The following SDK1 variants were observed in gnomAD, a reference collection of about 807,000 sequenced individuals.
SDK1 encodes the protein protein sidekick-1.
SDK1 carries 157 observed loss-of-function variants against 245.5 expected under a neutral mutation model. The ratio of observed to expected loss-of-function variants is 0.64; its 90% CI spans 0.56 to 0.73. The LOEUF is 0.73. Among genes scored for constraint, SDK1 ranks in the 30% least tolerant of loss-of-function variants. SDK1 has a pLI of 0.00. For synonymous variants in SDK1, 1,647 were observed against 1,278.5 expected (o/e 1.29, Z -6.15); for missense variants, 3,583 against 3,002.3 (o/e 1.19, Z -4.52).
intron 25 of SDK1, among the ~76,000 whole-genome samples, chr7:4,118,550 A>T (rs913031754): frequency 1.3e-5 from 2 of 152,236 alleles, no homozygotes; most frequent in African/African-American, 4.8e-5. Flanking sequence ...GGGAGTCACC[A>T]TACGACAAAG....
chr7:4,118,548 C>G (rs554864181), intron 25 of SDK1, among the ~76,000 whole-genome samples: 1 of 152,224 alleles, frequency 6.6e-6, no homozygotes, highest in South Asian at 2.1e-4. Flanking sequence ...CAGGGAGTCA[C>G]CATACGACAA....
At chr7:4,102,156 T>C (rs2128187558) in intron 22 of SDK1, among the ~76,000 whole-genome samples, 1 of 152,212 alleles carries the variant, frequency 6.6e-6, no homozygotes, top group Middle Eastern at 3.4e-3. Context: ...CCTGCCGGCT[T>C]ATGAGGTGTG....
At chr7:4,079,308 T>C (rs1424376779) in intron 21 of SDK1, among the ~76,000 whole-genome samples, 155 bp from the exon 22 acceptor site, 1 of 152,166 alleles carries the variant, frequency 6.6e-6, no homozygotes, top group Non-Finnish European at 1.5e-5. Flanking sequence ...CTGGGGAAGC[T>C]GTGCTGCTTC....
intron 5 of SDK1, among the ~76,000 whole-genome samples, chr7:3,913,333 A>T (rs987563613): frequency 1.0e-4 from 14 of 134,974 alleles, no homozygotes; most frequent in Non-Finnish European, 1.5e-4. Context: ...TCGCTCTGTC[A>T]CCCAGGCTGG....
At chr7:3,921,105 G>C (rs1288678828) in intron 5 of SDK1, among the ~76,000 whole-genome samples, 8 of 152,110 alleles carry the variant, frequency 5.3e-5, no homozygotes, top group Non-Finnish European at 8.8e-5. Context: ...AGAAAAATTA[G>C]AAAATACAGA....
chr7:3,944,363 T>C (rs1439690126), intron 5 of SDK1, among the ~76,000 whole-genome samples: 1 of 152,248 alleles, frequency 6.6e-6, no homozygotes, highest in South Asian at 2.1e-4. Context: ...CAAAATAGAA[T>C]TCCTTTCTCT....
At chr7:4,031,182 T>TAC (rs1787793523) in intron 17 of SDK1, among the ~76,000 whole-genome samples, 4 of 152,246 alleles carry the variant, frequency 2.6e-5, no homozygotes, top group African/African-American at 9.6e-5. Context: ...CTTGTACATG[T>TAC]ATATATACAC....
At chr7:4,206,450 C>T (rs1458429841) in intron 36 of SDK1, among the ~76,000 whole-genome samples, 1 of 152,160 alleles carries the variant, frequency 6.6e-6, no homozygotes, top group African/African-American at 2.4e-5. Flanking sequence ...TTCGGTCGGT[C>T]CAGGGTGGGG....
At chr7:3,703,698 C>G (rs764118019) in intron 4 of SDK1, among the ~76,000 whole-genome samples, 5 of 152,138 alleles carry the variant, frequency 3.3e-5, no homozygotes, top group Non-Finnish European at 7.4e-5. Flanking sequence ...TCTATTTTTC[C>G]AATTTCCTAT....
At chr7:3,525,349 G>A (rs1275253793) in intron 1 of SDK1, among the ~76,000 whole-genome samples, 1 of 152,084 alleles carries the variant, frequency 6.6e-6, no homozygotes, top group Admixed American at 6.6e-5. Context: ...CACAGATGGG[G>A]TAGTTTTCTC....
intron 13 of SDK1, among the ~76,000 whole-genome samples, chr7:3,980,658 T>C (rs1385024523): frequency 1.3e-5 from 2 of 152,206 alleles, no homozygotes; most frequent in East Asian, 1.9e-4. Context: ...TTTAAAGAAA[T>C]AGTGGCTGGC....
intron 44 of SDK1, among the ~76,000 whole-genome samples, chr7:4,260,766 G>T (rs1407024021): frequency 6.7e-6 from 1 of 148,562 alleles, no homozygotes; most frequent in Non-Finnish European, 1.5e-5. Context: ...GGCTGCTCCG[G>T]GGTCTCTGTG....
At position 3,799,540 on chromosome 7, in the gene SDK1, TAAAAAATAC is replaced by T. The variant is rs1379979288; in HGVS notation, c.714-21902_714-21894del. ...TAACATGGTGAAACCCCGTCTCTAC[TAAAAAATAC>T]AAAAAATTAGCCAGGCGTGGTGGCG... is the stretch of plus-strand genomic sequence containing the variant. On this transcript the variant is annotated intron_variant, in intron 4 of 44. Coordinates refer to ENST00000404826, the MANE Select transcript of SDK1 (RefSeq NM_152744.4). 1.0e-3 allele frequency among the ~76,000 whole-genome samples: 152 copies of T among 151,618 alleles called. 1 individual carries two copies. The highest frequency in any genetic ancestry group is 3.5e-3 in the African/African-American group (144 of 41,368).
At chr7:3,562,821 C>T (rs982450154) in intron 1 of SDK1, among the ~76,000 whole-genome samples, 4 of 151,400 alleles carry the variant, frequency 2.6e-5, no homozygotes, top group African/African-American at 9.7e-5. Flanking sequence ...CTATACAAGA[C>T]CTTATAAAAG....
chr7:3,978,950 C>G (rs989839049), intron 13 of SDK1, among the ~76,000 whole-genome samples: 9 of 152,292 alleles, frequency 5.9e-5, no homozygotes, highest in Admixed American at 2.6e-4. Flanking sequence ...GGCCTCTTCT[C>G]ACGTCTGTTT....
chr7:4,086,761 G>T (rs553247935), intron 22 of SDK1, among the ~76,000 whole-genome samples: 91 of 152,226 alleles, frequency 6.0e-4, no homozygotes, highest in African/African-American at 2.0e-3. Context: ...AGCCTCTCCT[G>T]CCACATAAGG....
chr7:3,543,279 C>T (rs1251007178), intron 1 of SDK1, among the ~76,000 whole-genome samples: 1 of 152,192 alleles, frequency 6.6e-6, no homozygotes, highest in Non-Finnish European at 1.5e-5. Context: ...AAAATAGATC[C>T]CATTCTTCTT....
chr7:3,871,107 T>C (rs1583496523), intron 5 of SDK1, among the ~76,000 whole-genome samples: 1 of 152,182 alleles, frequency 6.6e-6, no homozygotes, highest in South Asian at 2.1e-4. Context: ...AGCAGATAGA[T>C]CCTGCACATA....
At chr7:4,029,180 A>C (rs932001836) in intron 17 of SDK1, among the ~76,000 whole-genome samples, 4 of 145,410 alleles carry the variant, frequency 2.8e-5, no homozygotes, top group Non-Finnish European at 1.5e-5. Flanking sequence ...TACCATATTC[A>C]TCCTGTAGCT....
Sources: allele counts gnomAD v4.1 joint callset (sites outside exome capture counted in the v4.1 genomes callset), GRCh38; gene constraint gnomAD v4.1.1; transcripts MANE v1.5; gene names NCBI Gene and HGNC (gene_info 2026-07-23, HGNC 2026-07-21).